The following NAP1L5 variants were observed in gnomAD, a reference collection of about 807,000 sequenced individuals.
NAP1L5 encodes the protein nucleosome assembly protein 1 like 5.
For synonymous variants in NAP1L5, 125 were observed against 103.6 expected, an observed-to-expected ratio of 1.21 and a Z score of -1.25; for missense variants, 249 against 246.4, an observed-to-expected ratio of 1.01 and a Z score of -0.07.
chr4:88,697,103 T>A lies in NAP1L5; in HGVS notation c.*103A>T. On this transcript the variant is annotated 3_prime_UTR_variant, in exon 1 of 1. Transcript: ENST00000323061. Reference sequence around the variant, plus strand: ...ATGTCAGAATAAATTCACATTGTATTTTGGTCAAAAACCTGAGCCTTTTTA... The same window carrying A: ...ATGTCAGAATAAATTCACATTGTATATTGGTCAAAAACCTGAGCCTTTTTA... 9.0e-7 allele frequency: 1 copy of A among 1,110,016 alleles called. No homozygotes were observed. The highest frequency in any genetic ancestry group is 1.3e-6 in the Non-Finnish European group (1 of 794,900). 68.8% of individuals were successfully genotyped at this position (1,110,016 alleles called of 1,614,324 possible). A position where few individuals can be genotyped will look rare whatever the true frequency, so the allele number is the denominator to read the frequency against.
Position 88,697,163 on chromosome 4 carries a change from C to CT in NAP1L5, c.*42dup. The stretch of plus-strand genomic sequence containing the variant: ...ATATTCTGGGAAAAACAAAACCAGG[C>CT]TTTTTTCTTCGTGGGCTTTCTCTTC... On this transcript the variant is annotated 3_prime_UTR_variant, in exon 1 of 1. Coordinates refer to ENST00000323061, the MANE Select transcript of NAP1L5 (RefSeq NM_153757.4). The CT allele has an allele frequency of 2.1e-6, 3 of 1,457,048 alleles. No homozygotes were observed. The highest frequency in any genetic ancestry group is 2.7e-6 in the Non-Finnish European group (3 of 1,103,210). 90.3% of individuals were successfully genotyped at this position (1,457,048 alleles called of 1,614,324 possible). A position where few individuals can be genotyped will look rare whatever the true frequency, so the allele number is the denominator to read the frequency against.
In NAP1L5 at chr4:88,696,684, A is replaced by G. The variant is rs148751140; in HGVS notation, c.*522T>C. On this transcript the variant is annotated 3_prime_UTR_variant, in exon 1 of 1. Coordinates refer to ENST00000323061, the MANE Select transcript of NAP1L5 (RefSeq NM_153757.4). Reference sequence around the variant, plus strand: ...ATTGCAATCTTCCTCAATGCCATCAATCTCCTGTGAAGTGTAAAGCTGATG... The same window carrying G: ...ATTGCAATCTTCCTCAATGCCATCAGTCTCCTGTGAAGTGTAAAGCTGATG... 576 of 153,088 alleles carry G rather than the reference A, an allele frequency of 3.8e-3. 3 individuals are homozygous for G. Among genetic ancestry groups the G allele is most frequent in the Non-Finnish European group, 3.4e-3 (230 of 68,262 alleles). The allele number at this position is 153,088 out of a possible 1,614,324, so 9.5% of individuals were successfully genotyped here.
At position 88,697,153 on chromosome 4, in the gene NAP1L5, C is replaced by A; in HGVS notation, c.*53G>T. 6.9e-7 allele frequency: 1 copy of A among 1,453,288 alleles called. No individual in the cohort carries two copies. The highest frequency in any genetic ancestry group is 9.1e-7 in the Non-Finnish European group (1 of 1,100,238). The allele number at this position is 1,453,288 out of a possible 1,614,324, so 90.0% of individuals were successfully genotyped here. On this transcript the variant is annotated 3_prime_UTR_variant, in exon 1 of 1. Coordinates refer to ENST00000323061, the MANE Select transcript of NAP1L5 (RefSeq NM_153757.4). The stretch of plus-strand genomic sequence containing the variant: ...AAGTCCATCGATATTCTGGGAAAAA[C>A]AAAACCAGGCTTTTTTCTTCGTGGG...
Position 88,697,616 on chromosome 4 carries a change from C to A in NAP1L5, c.139G>T (p.Ala47Ser). The change falls in exon 1 of 1, where the codon GCG becomes TCG. Residue 47 changes from alanine to serine, a missense_variant. Ala to Ser is a moderately conservative substitution (Grantham distance 99). Transcript: ENST00000323061. The part of the protein sequence containing the change: ...CDSAAGDPDS[A>S]AGQMAEEPQT... ...GGCTCCTCAGCCATCTGACCAGCCGCGCTGTCAGGGTCACCAGCCGCGCTG... is the reference window on the plus strand; with the variant it reads ...GGCTCCTCAGCCATCTGACCAGCCGAGCTGTCAGGGTCACCAGCCGCGCTG... The A allele has an allele frequency of 2.5e-6, 4 of 1,609,286 alleles. No homozygotes were observed. The highest frequency in any genetic ancestry group is 3.4e-6 in the Non-Finnish European group (4 of 1,175,894).
In NAP1L5 at chr4:88,697,680, C is replaced by T; in HGVS notation, c.75G>A (p.Glu25=). Residue 25 remains glutamate, a synonymous_variant, in exon 1 of 1, where the codon GAG becomes GAA. Coordinates refer to ENST00000323061, the MANE Select transcript of NAP1L5 (RefSeq NM_153757.4). ...CCTGCGCACCGCCTTCCGCCATTAC[C>T]TCCTCTGCCGCTGCCTCCGCCGCTG... The part of the protein sequence containing the change: ...AAAAAEAAAE[E]VMAEGGAQGG... 2 of 1,612,474 alleles carry T rather than the reference C, an allele frequency of 1.2e-6. No individual in the cohort carries two copies. The highest frequency in any genetic ancestry group is 1.7e-6 in the Non-Finnish European group (2 of 1,179,740).
At position 88,697,444 on chromosome 4, in the gene NAP1L5, G is replaced by C. The variant is rs1734736099; in HGVS notation, c.311C>G (p.Ala104Gly). 1 of 1,613,916 alleles carries C rather than the reference G, an allele frequency of 6.2e-7. No homozygotes were observed. The highest frequency in any genetic ancestry group is 1.7e-5 in the Admixed American group (1 of 60,000). ...IEAKFDKEFQALEKKYNDIYK... is the reference protein window; with the variant it reads ...IEAKFDKEFQGLEKKYNDIYK... ...GATGTCATTATACTTTTTTTCCAGA[G>C]CCTGAAATTCCTTATCAAATTTGGC... Residue 104 changes from alanine (A) to glycine (G), a missense_variant, in exon 1 of 1, where the codon GCT becomes GGT. Ala to Gly is a moderately conservative substitution (Grantham distance 60). Coordinates refer to ENST00000323061, the MANE Select transcript of NAP1L5 (RefSeq NM_153757.4).
chr4:88,697,473 T>C lies in NAP1L5; in HGVS notation c.282A>G (p.Ile94Met). Residue 94 changes from isoleucine (I) to methionine (M), a missense_variant, in exon 1 of 1, where the codon ATA becomes ATG. Ile to Met is a conservative substitution (Grantham distance 10). Transcript: ENST00000323061. ...LKKLQKRCDK[I>M]EAKFDKEFQA... ...GAAATTCCTTATCAAATTTGGCTTC[T>C]ATCTTATCGCATCGCTTCTGCAGCT... 1.2e-6 allele frequency: 2 copies of C among 1,614,192 alleles called. No individual in the cohort carries two copies. The highest frequency in any genetic ancestry group is 8.5e-7 in the Non-Finnish European group (1 of 1,180,040).
chr4:88,697,045 G>A lies in NAP1L5; in HGVS notation c.*161C>T, dbSNP rs1734669696. The A allele has an allele frequency of 1.6e-6, 1 of 632,640 alleles. No homozygotes were observed. The highest frequency in any genetic ancestry group is 3.8e-5 in the South Asian group (1 of 25,990). 39.2% of individuals were successfully genotyped at this position (632,640 alleles called of 1,614,324 possible). On this transcript the variant is annotated 3_prime_UTR_variant, in exon 1 of 1. Transcript: ENST00000323061. ...GTCAAATTTGAATCGAGCTGGCCAGGATCTAATTGCTTTAATTTAATCTAT... is the reference window on the plus strand; with the variant it reads ...GTCAAATTTGAATCGAGCTGGCCAGAATCTAATTGCTTTAATTTAATCTAT...
In NAP1L5 at chr4:88,697,727, C is replaced by T; in HGVS notation, c.28G>A (p.Ala10Thr). 1 of 1,610,974 alleles carries T rather than the reference C, an allele frequency of 6.2e-7. No homozygotes were observed. The highest frequency in any genetic ancestry group is 8.5e-7 in the Non-Finnish European group (1 of 1,179,060). The change falls in exon 1 of 1, where the codon GCG (alanine) becomes ACG (threonine). Residue 10 changes from alanine (A) to threonine (T), a missense_variant. Transcript: ENST00000323061. ...GCTGCCGCCGCCTGGCTAGGCTCCG[C>T]AGGCCCCTGGTTTTCCGAGTCGGCC... The part of the protein sequence containing the change: MADSENQGP[A>T]EPSQAAAAAE...
chr4:88,697,710 C>T lies in NAP1L5; in HGVS notation c.45G>A (p.Ala15=). The change falls in exon 1 of 1, where the codon GCG becomes GCA. Residue 15 remains alanine, a synonymous_variant. Coordinates refer to ENST00000323061, the MANE Select transcript of NAP1L5 (RefSeq NM_153757.4). ...ENQGPAEPSQ[A]AAAAEAAAEE... is the part of the protein sequence containing the mutation. ...CTGCCGCTGCCTCCGCCGCTGCCGC[C>T]GCCTGGCTAGGCTCCGCAGGCCCCT... is the stretch of plus-strand genomic sequence containing the variant. 1 of 1,612,098 alleles carries T rather than the reference C, an allele frequency of 6.2e-7. No individual in the cohort carries two copies. Among genetic ancestry groups the T allele is most frequent in the Non-Finnish European group, 8.5e-7 (1 of 1,179,506 alleles).
rs1430219505 is a variant in NAP1L5 at position 88,696,048 on chromosome 4, C to T, written c.*1158G>A. The T allele has an allele frequency of 2.0e-5, 3 of 152,562 alleles. No individual in the cohort carries two copies. The East Asian group carries it at 5.8e-4, about 29-fold the overall frequency. 9.5% of individuals were successfully genotyped at this position (152,562 alleles called of 1,614,324 possible). On this transcript the variant is annotated 3_prime_UTR_variant, in exon 1 of 1. Transcript: ENST00000323061. ...TAAGAGTCTTTACATTAAATATATT[C>T]TTCCTAAAAATCCTTACTGTATGCA...
Position 88,697,143 on chromosome 4 carries a change from C to G in NAP1L5, c.*63G>C, listed in dbSNP as rs1578340684. ...GAGCCTTTTTAAGTCCATCGATATT[C>G]TGGGAAAAACAAAACCAGGCTTTTT... is the stretch of plus-strand genomic sequence containing the variant. On this transcript the variant is annotated 3_prime_UTR_variant, in exon 1 of 1. Transcript: ENST00000323061. 6.3e-6 allele frequency: 9 copies of G among 1,438,246 alleles called. No homozygotes were observed. In the East Asian group the frequency reaches 2.2e-4, roughly 36 times the overall value. 89.1% of individuals were successfully genotyped at this position (1,438,246 alleles called of 1,614,324 possible).
Position 88,697,342 on chromosome 4 carries a change from T to C in NAP1L5, c.413A>G (p.Glu138Gly), listed in dbSNP as rs1560777991. Reference protein sequence around the residue: ...EGCAWTLEGEEEEEEEYEDDE... With the variant: ...EGCAWTLEGEGEEEEEYEDDE... ...ATCCTCGTACTCCTCTTCCTCCTCC[T>C]CCTCCCCCTCCAAGGTCCATGCACA... The change falls in exon 1 of 1, where the codon GAG (glutamate) becomes GGG (glycine). Residue 138 changes from glutamate (E) to glycine (G), a missense_variant. By Grantham distance (98) the Glu-to-Gly change is moderately conservative (BLOSUM62 -2). Transcript: ENST00000323061. 6.2e-7 allele frequency: 1 copy of C among 1,613,808 alleles called. No homozygotes were observed. Among genetic ancestry groups the C allele is most frequent in the African/African-American group, 1.3e-5 (1 of 74,938 alleles).
In NAP1L5 at chr4:88,697,101, A is replaced by G. The variant is rs752716298; in HGVS notation, c.*105T>C. The G allele has an allele frequency of 5.6e-6, 6 of 1,077,930 alleles. No homozygotes were observed. The Admixed American group carries it at 1.1e-4, about 20-fold the overall frequency. The allele number at this position is 1,077,930 out of a possible 1,614,324, so 66.8% of individuals were successfully genotyped here. A position where few individuals can be genotyped will look rare whatever the true frequency, so the allele number is the denominator to read the frequency against. Reference sequence around the variant, plus strand: ...GAATGTCAGAATAAATTCACATTGTATTTTGGTCAAAAACCTGAGCCTTTT... The same window carrying G: ...GAATGTCAGAATAAATTCACATTGTGTTTTGGTCAAAAACCTGAGCCTTTT... On this transcript the variant is annotated 3_prime_UTR_variant, in exon 1 of 1. Coordinates refer to ENST00000323061, the MANE Select transcript of NAP1L5 (RefSeq NM_153757.4).
In NAP1L5 at chr4:88,697,050, A is replaced by T; in HGVS notation, c.*156T>A. On this transcript the variant is annotated 3_prime_UTR_variant, in exon 1 of 1. Coordinates refer to ENST00000323061, the MANE Select transcript of NAP1L5 (RefSeq NM_153757.4). ...ATTTGAATCGAGCTGGCCAGGATCT[A>T]ATTGCTTTAATTTAATCTATTTTAG... 1 of 659,242 alleles carries T rather than the reference A, an allele frequency of 1.5e-6. No individual in the cohort carries two copies. The highest frequency in any genetic ancestry group is 2.4e-6 in the Non-Finnish European group (1 of 409,376). The allele number at this position is 659,242 out of a possible 1,614,324, so 40.8% of individuals were successfully genotyped here.
At position 88,697,160 on chromosome 4, in the gene NAP1L5, A is replaced by G. The variant is rs757263734; in HGVS notation, c.*46T>C. On this transcript the variant is annotated 3_prime_UTR_variant, in exon 1 of 1. Coordinates refer to ENST00000323061, the MANE Select transcript of NAP1L5 (RefSeq NM_153757.4). ...TCGATATTCTGGGAAAAACAAAACC[A>G]GGCTTTTTTCTTCGTGGGCTTTCTC... 112 of 1,456,976 alleles carry G rather than the reference A, an allele frequency of 7.7e-5. No homozygotes were observed. Among genetic ancestry groups the G allele is most frequent in the Non-Finnish European group, 1.0e-4 (110 of 1,102,626 alleles). The allele number at this position is 1,456,976 out of a possible 1,614,324, so 90.3% of individuals were successfully genotyped here. A position where few individuals can be genotyped will look rare whatever the true frequency, so the allele number is the denominator to read the frequency against.
chr4:88,696,290 C>T lies in NAP1L5; in HGVS notation c.*916G>A, dbSNP rs2602122. The stretch of plus-strand genomic sequence containing the variant: ...AGAGTTCTGATGATTTTCACAGCTA[C>T]ACCCTAAAAGCTACATGACAGAAAG... On this transcript the variant is annotated 3_prime_UTR_variant, in exon 1 of 1. Coordinates refer to ENST00000323061, the MANE Select transcript of NAP1L5 (RefSeq NM_153757.4). The T allele has an allele frequency of 6.6e-6, 1 of 152,594 alleles. No individual in the cohort carries two copies. Among genetic ancestry groups the T allele is most frequent in the Admixed American group, 6.5e-5 (1 of 15,284 alleles). 9.5% of individuals were successfully genotyped at this position (152,594 alleles called of 1,614,324 possible). A position where few individuals can be genotyped will look rare whatever the true frequency, so the allele number is the denominator to read the frequency against.
rs749423622 is a variant in NAP1L5, at chr4:88,697,186, T to C, written c.*20A>G. The C allele has an allele frequency of 6.7e-7, 1 of 1,483,598 alleles. No homozygotes were observed. Among genetic ancestry groups the C allele is most frequent in the East Asian group, 2.4e-5 (1 of 41,486 alleles). 91.9% of individuals were successfully genotyped at this position (1,483,598 alleles called of 1,614,324 possible). A position where few individuals can be genotyped will look rare whatever the true frequency, so the allele number is the denominator to read the frequency against. Reference sequence around the variant, plus strand: ...GGCTTTTTTCTTCGTGGGCTTTCTCTTCATCCATCTCTGCCCCCCTTACTT... The same window carrying C: ...GGCTTTTTTCTTCGTGGGCTTTCTCCTCATCCATCTCTGCCCCCCTTACTT... On this transcript the variant is annotated 3_prime_UTR_variant, in exon 1 of 1. Coordinates refer to ENST00000323061, the MANE Select transcript of NAP1L5 (RefSeq NM_153757.4).
In NAP1L5 at chr4:88,697,293, CTCG is replaced by C. The variant is rs1375335516; in HGVS notation, c.459_461del (p.Asp153del). On this transcript the variant is annotated inframe_deletion, in exon 1 of 1. Transcript: ENST00000323061. ...CCTCTGCCGCAGCCTCCTCCTCCTC[CTCG>C]TCTTCCCCCTCCTCCTCGTCATCCT... 1.2e-6 allele frequency: 2 copies of C among 1,605,336 alleles called. No individual in the cohort carries two copies. Among genetic ancestry groups the C allele is most frequent in the Non-Finnish European group, 1.7e-6 (2 of 1,175,324 alleles).
Sources: gnomAD v4.1 joint callset for allele counts on GRCh38, gnomAD v4.1.1 for gene constraint, MANE v1.5 for transcripts, NCBI Gene and HGNC (gene_info 2026-07-23, HGNC 2026-07-21) for gene names.